Variants in NRXN3 observed in about 807,000 individuals in gnomAD.
NRXN3 encodes the protein neurexin III.
In NRXN3, 32 loss-of-function variants were observed where a neutral mutation model predicts 137.6. The ratio of observed to expected loss-of-function variants is 0.23; its 90% confidence interval spans 0.18 to 0.31. The LOEUF (loss-of-function observed/expected upper bound fraction) is 0.31, where lower values mean the gene tolerates loss of function less well. NRXN3 is among the 10% of genes least tolerant of loss of function. The pLI, the probability that NRXN3 is intolerant of heterozygous loss-of-function variation, is 1.00. For missense variants in NRXN3, 1,574 were observed against 2,062.5 expected, an observed-to-expected ratio of 0.76 and a Z score of 4.59; for synonymous variants, 798 against 784.5, an observed-to-expected ratio of 1.02 and a Z score of -0.29.
intron 2 of NRXN3, among the ~76,000 whole-genome samples, chr14:78,273,510 G>T (rs1361255365): frequency 6.6e-6 from 1 of 152,196 alleles, no homozygotes; most frequent in African/African-American, 2.4e-5. Context: ...GGACGCAGCT[G>T]CAGGTGTTTC....
At chr14:78,475,835 T>C (rs542201273) in intron 4 of NRXN3, among the ~76,000 whole-genome samples, 1 of 152,224 alleles carries the variant, frequency 6.6e-6, no homozygotes, top group Admixed American at 6.5e-5. Context: ...ATAGAACTAC[T>C]GGCTTCACTC....
At chr14:78,451,686 T>C (rs1183809764) in intron 4 of NRXN3, among the ~76,000 whole-genome samples, 5 of 152,248 alleles carry the variant, frequency 3.3e-5, no homozygotes, top group Admixed American at 1.3e-4. Flanking sequence ...TGTCTGCTCC[T>C]GGTGGGCATT....
chr14:78,507,982 G>C (rs2096026780), intron 4 of NRXN3, among the ~76,000 whole-genome samples: 1 of 152,056 alleles, frequency 6.6e-6, no homozygotes, highest in South Asian at 2.1e-4. Context: ...TCTATAATTG[G>C]GTGTTTAATA....
At chr14:79,793,307 C>T (rs1291021034) in intron 19 of NRXN3, among the ~76,000 whole-genome samples, 2 of 152,072 alleles carry the variant, frequency 1.3e-5, no homozygotes, top group African/African-American at 2.4e-5. Flanking sequence ...CCCAGCTATT[C>T]GGGAGCCTGA....
intron 4 of NRXN3, among the ~76,000 whole-genome samples, chr14:78,377,297 G>A (rs1358496391): frequency 6.6e-6 from 1 of 152,196 alleles, no homozygotes; most frequent in Non-Finnish European, 1.5e-5. Context: ...AGCAAAGACT[G>A]TTGCCAGAGA....
chr14:79,769,071 G>C (rs2099067180), intron 19 of NRXN3, among the ~76,000 whole-genome samples: 1 of 151,880 alleles, frequency 6.6e-6, no homozygotes, highest in African/African-American at 2.4e-5. Context: ...GAAGTTTAGA[G>C]AAAAAAGAAT....
intron 15 of NRXN3, among the ~76,000 whole-genome samples, chr14:79,015,850 G>C (rs567890473): frequency 6.6e-6 from 1 of 152,026 alleles, no homozygotes; most frequent in Non-Finnish European, 1.5e-5. Flanking sequence ...TGAATTCTCT[G>C]GCAGAATGTG....
intron 7 of NRXN3, 88 bp from the exon 8 acceptor site, chr14:78,714,668 A>T: frequency 1.4e-6 from 2 of 1,434,346 alleles, no homozygotes; most frequent in Non-Finnish European, 1.9e-6. Flanking sequence ...TGGCCAGCCA[A>T]TGGCTGGGCT....
chr14:79,472,366 T>C (rs1024507432), intron 16 of NRXN3, among the ~76,000 whole-genome samples: 1 of 152,212 alleles, frequency 6.6e-6, no homozygotes, highest in Non-Finnish European at 1.5e-5. Context: ...CACAGGCCTT[T>C]GGTCATTTTA....
intron 14 of NRXN3, among the ~76,000 whole-genome samples, chr14:78,983,625 G>C (rs558721557): frequency 5.9e-4 from 89 of 152,136 alleles, no homozygotes; most frequent in Admixed American, 1.1e-3. Flanking sequence ...TTGGGAGGCC[G>C]AGGCAGGTAG....
chr14:78,839,140 T>G (rs1326090758), intron 10 of NRXN3, among the ~76,000 whole-genome samples: 2 of 152,142 alleles, frequency 1.3e-5, no homozygotes, highest in Non-Finnish European at 2.9e-5. Context: ...AGGGGAAATT[T>G]TAAATTGTGT....
intron 15 of NRXN3, among the ~76,000 whole-genome samples, chr14:79,177,237 C>T (rs1268609827): frequency 1.3e-5 from 2 of 152,084 alleles, no homozygotes; most frequent in African/African-American, 4.8e-5. Flanking sequence ...TGTTTAAAAC[C>T]TAAAGTCTGG....
At chr14:78,618,013 CTATT>C (rs1566902125) in intron 4 of NRXN3, among the ~76,000 whole-genome samples, 4 of 151,828 alleles carry the variant, frequency 2.6e-5, no homozygotes, top group Non-Finnish European at 5.9e-5. Flanking sequence ...ACCTATCTAT[CTATT>C]TATCAATCAA....
intron 10 of NRXN3, among the ~76,000 whole-genome samples, chr14:78,815,942 G>A (rs1443563064): frequency 6.6e-6 from 1 of 152,146 alleles, no homozygotes; most frequent in Admixed American, 6.5e-5. Flanking sequence ...GGAAAAGCAA[G>A]AGCCTATGTA....
chr14:79,056,964 T>G (rs1217942505), intron 15 of NRXN3, among the ~76,000 whole-genome samples: 7 of 152,236 alleles, frequency 4.6e-5, no homozygotes, highest in Admixed American at 4.6e-4. Flanking sequence ...ATATGATATC[T>G]CACAGCATGT....
chr14:79,491,883 C>T (rs996707874), intron 16 of NRXN3, among the ~76,000 whole-genome samples: 2 of 152,110 alleles, frequency 1.3e-5, no homozygotes, highest in Non-Finnish European at 2.9e-5. Context: ...ATTTGTTTTG[C>T]TATTTAAAAA....
chr14:78,864,961 T>G (rs2099082820), intron 10 of NRXN3, among the ~76,000 whole-genome samples: 1 of 152,206 alleles, frequency 6.6e-6, no homozygotes, highest in African/African-American at 2.4e-5. Flanking sequence ...TTTTATGGTC[T>G]GCTTCAGGGG....
At chr14:79,790,974 G>T in intron 19 of NRXN3, among the ~76,000 whole-genome samples, 1 of 152,094 alleles carries the variant, frequency 6.6e-6, no homozygotes, top group East Asian at 1.9e-4. Context: ...TAAACAACCA[G>T]ATCTCATGTG....
At chr14:78,891,389 C>G (rs139878411) in intron 10 of NRXN3, among the ~76,000 whole-genome samples, 1 of 151,916 alleles carries the variant, frequency 6.6e-6, no homozygotes, top group Non-Finnish European at 1.5e-5. Context: ...ATGACTATAG[C>G]GTCTGTGTTT....
Sources: gnomAD v4.1 joint callset for allele counts (sites outside exome capture counted in the v4.1 genomes callset) on GRCh38, gnomAD v4.1.1 for gene constraint, MANE v1.5 for transcripts, NCBI Gene and HGNC (gene_info 2026-07-23, HGNC 2026-07-21) for gene names.